The following RTF1 variants were observed in gnomAD, a reference collection of about 807,000 sequenced individuals.
RTF1 encodes RTF1 homolog, Paf1/RNA polymerase II complex component.
A neutral mutation model predicts 95.7 loss-of-function variants in RTF1; 10 were observed. That is an observed-to-expected ratio of 0.10 (90% CI 0.06 to 0.18). RTF1 has a LOEUF of 0.18. Among genes scored for constraint, RTF1 ranks in the 10% least tolerant of loss-of-function variants. The pLI is 1.00. For synonymous variants in RTF1, 305 were observed against 311.8 expected (o/e 0.98, Z 0.23); for missense variants, 458 against 875.6 (o/e 0.52, Z 6.02).
intron 5 of RTF1, 50 bp from the exon 6 acceptor site, chr15:41,466,091 T>A: frequency 8.0e-7 from 1 of 1,252,114 alleles, no homozygotes; most frequent in Non-Finnish European, 1.1e-6. Flanking sequence ...TTAGAGAATC[T>A]TATCAGCTGT....
Position 41,480,937 on chromosome 15 carries a change from T to C in RTF1, c.*250T>C, listed in dbSNP as rs978444463. ...CCTGGGCTCTCTTGGGCTTTATCCA[T>C]GTCTTTAGATTTGTGTTTGCCTTTT... On this transcript the variant is annotated 3_prime_UTR_variant, in exon 18 of 18. Transcript: ENST00000389629. 31 of 500,704 alleles carry C rather than the reference T, an allele frequency of 6.2e-5. No homozygotes were observed. The highest frequency in any genetic ancestry group is 7.9e-5 in the Non-Finnish European group (22 of 276,950). 31.0% of individuals were successfully genotyped at this position (500,704 alleles called of 1,614,324 possible). A position where few individuals can be genotyped will look rare whatever the true frequency, so the allele number is the denominator to read the frequency against.
rs550547190 is a variant in RTF1 at position 41,441,331 on chromosome 15, G to T, written c.309+2900G>T. The stretch of plus-strand genomic sequence containing the variant: ...CATGTTTCAGAAGTCAGCTGCTGTG[G>T]TCCACCCTTGCCACTCAGTATTGTA... On this transcript the variant is annotated intron_variant, in intron 2 of 17. Transcript: ENST00000389629. Among the ~76,000 whole-genome samples, 6 of 152,206 alleles carry T rather than the reference G, an allele frequency of 3.9e-5. No homozygotes were observed. The South Asian group carries it at 1.2e-3, about 32-fold the overall frequency.
chr15:41,440,624 G>A (rs975048155), intron 2 of RTF1, among the ~76,000 whole-genome samples: 2 of 151,478 alleles, frequency 1.3e-5, no homozygotes, highest in Non-Finnish European at 2.9e-5. Context: ...CAAGTAGCTG[G>A]GACTGCAGGC....
intron 1 of RTF1, among the ~76,000 whole-genome samples, chr15:41,424,499 A>C (rs1198946261): frequency 6.6e-6 from 1 of 152,232 alleles, no homozygotes; most frequent in Non-Finnish European, 1.5e-5. Flanking sequence ...AGTACAAATG[A>C]AACTGTAGAG....
In RTF1 at chr15:41,457,848, A is replaced by G; in HGVS notation, c.634A>G (p.Ile212Val). The change falls in exon 4 of 18, where the codon ATA becomes GTA. Residue 212 changes from isoleucine (I) to valine (V), a missense_variant. By Grantham distance (29) the Ile-to-Val change is conservative. Transcript: ENST00000389629. Reference protein sequence around the residue: ...KEREQELFNRIEKREVLKRRF... With the variant: ...KEREQELFNRVEKREVLKRRF... Reference sequence around the variant, plus strand: ...GAGAGAGCAAGAACTGTTCAATCGCATAGAGAAGAGGGAGGTGTTGAAAAG... The same window carrying G: ...GAGAGAGCAAGAACTGTTCAATCGCGTAGAGAAGAGGGAGGTGTTGAAAAG... The G allele has an allele frequency of 1.2e-6, 2 of 1,614,010 alleles. No individual in the cohort carries two copies. The highest frequency in any genetic ancestry group is 1.7e-6 in the Non-Finnish European group (2 of 1,179,998).
Position 41,464,933 on chromosome 15 carries a change from AGTGTGT to A in RTF1, c.777+77_777+82del, listed in dbSNP as rs67065750. On this transcript the variant is annotated intron_variant, in intron 5 of 17. Coordinates refer to ENST00000389629, the MANE Select transcript of RTF1 (RefSeq NM_015138.5). ...TTGTCCAAAGAATAAACCTGTTTTGAGTGTGTGTGTGTGTGTGTGTGTGTGTGTGTG... is the reference window on the plus strand; with the variant it reads ...TTGTCCAAAGAATAAACCTGTTTTGAGTGTGTGTGTGTGTGTGTGTGTGTG... 3.4e-3 allele frequency: 4,435 copies of A among 1,300,948 alleles called. 3 individuals are homozygous for A. Among genetic ancestry groups the A allele is most frequent in the East Asian group, 0.013 (410 of 31,980 alleles). 80.6% of individuals were successfully genotyped at this position (1,300,948 alleles called of 1,614,324 possible).
At chr15:41,432,436 A>G (rs928530110) in intron 1 of RTF1, among the ~76,000 whole-genome samples, 2 of 151,046 alleles carry the variant, frequency 1.3e-5, no homozygotes, top group African/African-American at 2.4e-5. Flanking sequence ...TGACCTCGTG[A>G]TCCACCCACC....
chr15:41,470,208 C>A, intron 6 of RTF1, 49 bp from the exon 7 acceptor site: 1 of 1,588,566 alleles, frequency 6.3e-7, no homozygotes, highest in Non-Finnish European at 8.6e-7. Context: ...AGGATGAATT[C>A]ATTTTCTTGT....
At chr15:41,460,120 TG>T (rs1555386639) in intron 4 of RTF1, among the ~76,000 whole-genome samples, 1 of 69,190 alleles carries the variant, frequency 1.4e-5, no homozygotes, top group Non-Finnish European at 2.8e-5. Context: ...TTTTTGTTTT[TG>T]TTTTTTTTTT....
At chr15:41,424,488 T>C (rs1440789603) in intron 1 of RTF1, among the ~76,000 whole-genome samples, 1 of 152,270 alleles carries the variant, frequency 6.6e-6, no homozygotes, top group African/African-American at 2.4e-5. Context: ...GGAGAGAGAA[T>C]AGTACAAATG....
At chr15:41,437,788 G>A (rs1308166843) in intron 1 of RTF1, among the ~76,000 whole-genome samples, 1 of 152,188 alleles carries the variant, frequency 6.6e-6, no homozygotes, top group African/African-American at 2.4e-5. Context: ...GGATTCTGGT[G>A]TAGTGGCCAG....
At chr15:41,465,388 C>T (rs1259118284) in intron 5 of RTF1, among the ~76,000 whole-genome samples, 1 of 152,156 alleles carries the variant, frequency 6.6e-6, no homozygotes, top group Non-Finnish European at 1.5e-5. Flanking sequence ...CATGTGTAAT[C>T]CCAGCACTTT....
At chr15:41,419,558 C>T (rs1009732628) in intron 1 of RTF1, among the ~76,000 whole-genome samples, 2 of 151,924 alleles carry the variant, frequency 1.3e-5, no homozygotes, top group Non-Finnish European at 2.9e-5. Context: ...TGCTAGAGTT[C>T]GTGTTTATAA....
Position 41,459,628 on chromosome 15 carries a change from A to C in RTF1, c.662+1752A>C, listed in dbSNP as rs140456900. On this transcript the variant is annotated intron_variant, in intron 4 of 17. Coordinates refer to ENST00000389629, the MANE Select transcript of RTF1 (RefSeq NM_015138.5). Reference sequence around the variant, plus strand: ...ATTGTTCACGCTCCTAGGTTGAAATAATTTTCCAAAATTCATATTTGGAGC... The same window carrying C: ...ATTGTTCACGCTCCTAGGTTGAAATCATTTTCCAAAATTCATATTTGGAGC... 3.2e-3 allele frequency among the ~76,000 whole-genome samples: 488 copies of C among 152,284 alleles called. 3 individuals are homozygous for C. The highest frequency in any genetic ancestry group is 0.011 in the African/African-American group (465 of 41,550).
rs1193046414 is a variant in RTF1, at chr15:41,438,860, C to CA, written c.309+440dup. ...TGGGTGACAAAGCAAGACTCTGTCT[C>CA]AAAAAAAAAAAGAAAATGGTGTAAT... On this transcript the variant is annotated intron_variant, in intron 2 of 17. Transcript: ENST00000389629. 9.3e-4 allele frequency among the ~76,000 whole-genome samples: 122 copies of CA among 131,516 alleles called. 1 individual carries two copies. The East Asian group carries it at 9.4e-3, about 10-fold the overall frequency. 86.3% of individuals were successfully genotyped at this position (131,516 alleles called of 152,430 possible).
intron 1 of RTF1, among the ~76,000 whole-genome samples, chr15:41,421,386 G>A (rs1479465379): frequency 3.9e-5 from 6 of 151,950 alleles, no homozygotes; most frequent in Admixed American, 3.3e-4. Context: ...AACCCAGGAG[G>A]TGGAGGCTGT....
Position 41,457,890 on chromosome 15 carries a change from C to T in RTF1, c.662+14C>T, listed in dbSNP as rs1352516759. 9.4e-6 allele frequency: 15 copies of T among 1,600,642 alleles called. No individual in the cohort carries two copies. Among genetic ancestry groups the T allele is most frequent in the Middle Eastern group, 1.9e-4 (1 of 5,142 alleles). On this transcript the variant is annotated intron_variant, in intron 4 of 17. Transcript: ENST00000389629. ...GTTGAAAAGAAGGTAAGGTTGTCCT[C>T]GTCGTTGTCCCCCCCCCGCCCCCAC...
chr15:41,433,701 A>G (rs2050687298), intron 1 of RTF1, among the ~76,000 whole-genome samples: 1 of 152,192 alleles, frequency 6.6e-6, no homozygotes, highest in African/African-American at 2.4e-5. Flanking sequence ...ACGTATTACT[A>G]TATAACCCAG....
chr15:41,474,678 GAACA>G lies in RTF1; in HGVS notation c.1269_1272del (p.Asn423LysfsTer16), dbSNP rs774983664. On this transcript the variant is annotated frameshift_variant, in exon 9 of 18. Coordinates refer to ENST00000389629, the MANE Select transcript of RTF1 (RefSeq NM_015138.5). LOFTEE classifies it high-confidence loss of function. The stretch of plus-strand genomic sequence containing the variant: ...AAAGTTTACCAACTAGGTGGCACCA[GAACA>G]AACAAAGGGCTGCAACTACGGTAGG... 1 of 1,614,116 alleles carries G rather than the reference GAACA, an allele frequency of 6.2e-7. No individual in the cohort carries two copies.
Sources: allele counts gnomAD v4.1 joint callset (sites outside exome capture counted in the v4.1 genomes callset), GRCh38; gene constraint gnomAD v4.1.1; transcripts MANE v1.5; gene names NCBI Gene and HGNC (gene_info 2026-07-23, HGNC 2026-07-21).